The following PTPRM variants were observed in gnomAD, a reference collection of about 807,000 sequenced individuals.
The protein encoded by PTPRM is receptor-type tyrosine-protein phosphatase mu.
In PTPRM, 47 loss-of-function variants were observed where a neutral mutation model predicts 186.7. The ratio of observed to expected loss-of-function variants is 0.25; its 90% CI spans 0.20 to 0.32. The LOEUF (loss-of-function observed/expected upper bound fraction) is 0.32. PTPRM is among the 10% of genes least tolerant of loss of function. The probability of loss-of-function intolerance (pLI) is 1.00; values close to 1 mark genes in which losing one functional copy is unlikely to be tolerated. For synonymous variants in PTPRM, 668 were observed against 674.9 expected (o/e 0.99, Z 0.16); for missense variants, 1,494 against 1,865.0 (o/e 0.80, Z 3.66).
At chr18:7,790,009 A>T (rs1292736558) in intron 2 of PTPRM, among the ~76,000 whole-genome samples, 1 of 152,192 alleles carries the variant, frequency 6.6e-6, no homozygotes, top group African/African-American at 2.4e-5. Context: ...TTAAAATTTC[A>T]GTAATTCCTT....
At chr18:7,683,762 G>A (rs140110716) in intron 1 of PTPRM, among the ~76,000 whole-genome samples, 5 of 152,250 alleles carry the variant, frequency 3.3e-5, no homozygotes, top group African/African-American at 1.2e-4. Context: ...AGTTCTGCAA[G>A]GCTGAAGTGA....
In PTPRM at chr18:7,721,141, C is replaced by CTT. The variant is rs71165750; in HGVS notation, c.74-52996_74-52995dup. ...CATCATCATCAACACTTATTATTTT[C>CTT]TTTTTTTTTTTTTGATATTAGCTAT... On this transcript the variant is annotated intron_variant, in intron 1 of 32. Coordinates refer to ENST00000580170, the MANE Select transcript of PTPRM (RefSeq NM_001105244.2). 7.7e-3 allele frequency among the ~76,000 whole-genome samples: 1,113 copies of CTT among 145,296 alleles called. 10 individuals carry two copies. Among genetic ancestry groups the CTT allele is most frequent in the Non-Finnish European group, 0.012 (815 of 66,002 alleles).
At chr18:7,914,371 T>C (rs7227767) in intron 4 of PTPRM, among the ~76,000 whole-genome samples, 40,826 of 152,014 alleles carry the variant, frequency 0.27, 5,867 homozygotes, top group East Asian at 0.44. Context: ...AAAAATTATT[T>C]CATTAAAGCC....
At chr18:8,395,874 C>T (rs896278284) in intron 32 of PTPRM, among the ~76,000 whole-genome samples, 2 of 152,188 alleles carry the variant, frequency 1.3e-5, no homozygotes, top group Non-Finnish European at 2.9e-5. Flanking sequence ...ACTTAACTCC[C>T]TTAGGTTTTA....
At chr18:8,264,975 A>G (rs1261633606) in intron 19 of PTPRM, among the ~76,000 whole-genome samples, 1 of 152,138 alleles carries the variant, frequency 6.6e-6, no homozygotes, top group Non-Finnish European at 1.5e-5. Context: ...TGTTCTTTCT[A>G]CTGAAGCACA....
intron 14 of PTPRM, among the ~76,000 whole-genome samples, chr18:8,177,270 T>C (rs1180554641): frequency 1.3e-5 from 2 of 152,244 alleles, no homozygotes; most frequent in East Asian, 3.8e-4. Context: ...TCCACACCTC[T>C]TTGTTTATTC....
At chr18:8,082,345 A>G (rs993563044) in intron 9 of PTPRM, among the ~76,000 whole-genome samples, 3 of 152,192 alleles carry the variant, frequency 2.0e-5, no homozygotes, top group African/African-American at 7.2e-5. Flanking sequence ...CAACACAGGC[A>G]TTCAGTGGAT....
intron 24 of PTPRM, among the ~76,000 whole-genome samples, chr18:8,375,548 A>G (rs1450409892): frequency 6.6e-6 from 1 of 152,236 alleles, no homozygotes; most frequent in Non-Finnish European, 1.5e-5. Flanking sequence ...TCATCTGAGC[A>G]TGCTCAGTGA....
At chr18:7,794,877 C>T (rs1204822141) in intron 2 of PTPRM, among the ~76,000 whole-genome samples, 3 of 152,086 alleles carry the variant, frequency 2.0e-5, no homozygotes, top group Non-Finnish European at 4.4e-5. Flanking sequence ...ACCAACTGTT[C>T]CCTGGGGATA....
chr18:7,945,406 A>G (rs552962423), intron 5 of PTPRM, among the ~76,000 whole-genome samples: 4 of 151,922 alleles, frequency 2.6e-5, no homozygotes, highest in African/African-American at 9.6e-5. Context: ...CAGAGCTTGC[A>G]GTGAGCAGAG....
At chr18:7,573,843 C>T (rs1055548073) in intron 1 of PTPRM, among the ~76,000 whole-genome samples, 7 of 151,928 alleles carry the variant, frequency 4.6e-5, no homozygotes, top group African/African-American at 1.7e-4. Flanking sequence ...CTCCTGCTTC[C>T]ACCTCCCAAA....
At chr18:7,885,913 A>G (rs1319807722) in intron 2 of PTPRM, among the ~76,000 whole-genome samples, 1 of 152,188 alleles carries the variant, frequency 6.6e-6, no homozygotes, top group Non-Finnish European at 1.5e-5. Flanking sequence ...GTTTATGTAA[A>G]TATGTGAAAG....
At position 8,267,748 on chromosome 18, in the gene PTPRM, C is replaced by T. The variant is rs1466743249; in HGVS notation, c.2754+14334C>T. ...CATGAAGGTTGCATAAGCTCACATT[C>T]GCATCAGCACTCTGTAAGAATGGTT... On this transcript the variant is annotated intron_variant, in intron 19 of 32. Coordinates refer to ENST00000580170, the MANE Select transcript of PTPRM (RefSeq NM_001105244.2). Among the ~76,000 whole-genome samples the T allele has an allele frequency of 2.6e-5, 4 of 152,230 alleles. No homozygotes were observed. The East Asian group carries it at 5.8e-4, about 22-fold the overall frequency.
chr18:7,752,493 G>A (rs889093794), intron 1 of PTPRM, among the ~76,000 whole-genome samples: 7 of 152,136 alleles, frequency 4.6e-5, no homozygotes, highest in South Asian at 2.1e-4. Context: ...GCGTGATCTC[G>A]GCTCACTGCA....
At chr18:8,296,529 A>C in intron 20 of PTPRM, 74 bp downstream of exon 20, 76 of 1,104,862 alleles carry the variant, frequency 6.9e-5, no homozygotes, top group Non-Finnish European at 9.0e-5. Context: ...CACCAGGCTC[A>C]TACAGAGGAA....
intron 13 of PTPRM, among the ~76,000 whole-genome samples, chr18:8,126,827 AG>A (rs1224465615): frequency 6.6e-6 from 1 of 152,168 alleles, no homozygotes; most frequent in African/African-American, 2.4e-5. Context: ...GCAGGTACAA[AG>A]GTCCGGTGGT....
In PTPRM at chr18:8,210,819, C is replaced by G. The variant is rs772190862; in HGVS notation, c.2301-33239C>G. Among the ~76,000 whole-genome samples the G allele has an allele frequency of 5.9e-5, 9 of 152,126 alleles. No individual in the cohort carries two copies. The East Asian group carries it at 9.6e-4, about 16-fold the overall frequency. ...AAAGGGTTTGGGAGTTGAGGAGGAA[C>G]TAGCAAAGCAAACTGAAGGCATTGC... On this transcript the variant is annotated intron_variant, in intron 14 of 32. Coordinates refer to ENST00000580170, the MANE Select transcript of PTPRM (RefSeq NM_001105244.2).
chr18:7,745,101 T>C (rs537098973), intron 1 of PTPRM, among the ~76,000 whole-genome samples: 7 of 152,200 alleles, frequency 4.6e-5, no homozygotes, highest in Non-Finnish European at 1.0e-4. Context: ...CTCTAAACAT[T>C]CCATCTTCTC....
intron 32 of PTPRM, among the ~76,000 whole-genome samples, chr18:8,397,596 TCAAC>T (rs1381970813): frequency 6.6e-6 from 1 of 152,142 alleles, no homozygotes; most frequent in African/African-American, 2.4e-5. Context: ...ATCCATCTCT[TCAAC>T]CAGCCTCAAG....
Sources: gnomAD v4.1 joint callset for allele counts (sites outside exome capture counted in the v4.1 genomes callset) on GRCh38, gnomAD v4.1.1 for gene constraint, MANE v1.5 for transcripts, NCBI Gene and HGNC (gene_info 2026-07-23, HGNC 2026-07-21) for gene names.